PARD3B: variants seen among roughly 807,000 people sequenced by gnomAD.
The protein encoded by PARD3B is par-3 family cell polarity regulator beta, also known as partitioning defective 3 homolog B.
In PARD3B, 103 loss-of-function variants were observed where a neutral mutation model predicts 130.2. The observed-to-expected ratio is 0.79, with a 90% CI of 0.67 to 0.93. The LOEUF (loss-of-function observed/expected upper bound fraction) is 0.93. Among genes scored for constraint, PARD3B ranks in the 40% least tolerant of loss-of-function variants. The probability of loss-of-function intolerance (pLI) is 0.00; values close to 1 mark genes in which losing one functional copy is unlikely to be tolerated. For synonymous variants in PARD3B, 583 were observed against 553.2 expected (o/e 1.05, Z -0.76); for missense variants, 1,609 against 1,499.2 (o/e 1.07, Z -1.21).
chr2:205,005,302 G>A (rs958175158), intron 3 of PARD3B, among the ~76,000 whole-genome samples: 17 of 152,274 alleles, frequency 1.1e-4, no homozygotes, highest in South Asian at 4.1e-4. Context: ...GTTACACTGG[G>A]AAAGTGAGGA....
intron 10 of PARD3B, among the ~76,000 whole-genome samples, chr2:205,132,163 T>C (rs2032065014): frequency 1.3e-5 from 2 of 152,086 alleles, no homozygotes; most frequent in South Asian, 4.1e-4. Context: ...ATGAGAGATA[T>C]TAAGTGCACA....
intron 2 of PARD3B, among the ~76,000 whole-genome samples, chr2:204,817,113 G>C (rs1478202915): frequency 6.6e-6 from 1 of 151,936 alleles, no homozygotes; most frequent in African/African-American, 2.4e-5. Flanking sequence ...TTGAGTTTTT[G>C]AACTTACAGA....
chr2:204,989,894 TC>T, intron 3 of PARD3B, among the ~76,000 whole-genome samples: 5 of 152,086 alleles, frequency 3.3e-5, no homozygotes, highest in Non-Finnish European at 7.4e-5. Flanking sequence ...ACCACCTTCT[TC>T]ACATAGTCAA....
chr2:205,371,103 T>C (rs1289650769), intron 18 of PARD3B, among the ~76,000 whole-genome samples: 2 of 152,206 alleles, frequency 1.3e-5, no homozygotes, highest in East Asian at 3.9e-4. Flanking sequence ...GTTTGGGTGA[T>C]TTTTATTTTC....
chr2:205,073,499 A>G (rs1441721342), intron 4 of PARD3B, among the ~76,000 whole-genome samples: 1 of 152,250 alleles, frequency 6.6e-6, no homozygotes, highest in Non-Finnish European at 1.5e-5. Context: ...AAATGTATAT[A>G]GTAACCTTGA....
chr2:205,526,883 T>C lies in PARD3B; in HGVS notation c.3181-26441T>C, dbSNP rs568920620. 3.3e-5 allele frequency among the ~76,000 whole-genome samples: 5 copies of C among 152,246 alleles called. No homozygotes were observed. The South Asian group carries it at 1.0e-3, about 32-fold the overall frequency. ...AGTAGAGGAGACCAATCTTTATCAATAATGGGTAGTAATTTTAAAATCATT... is the reference window on the plus strand; with the variant it reads ...AGTAGAGGAGACCAATCTTTATCAACAATGGGTAGTAATTTTAAAATCATT... On this transcript the variant is annotated intron_variant, in intron 21 of 22. Transcript: ENST00000406610.
intron 16 of PARD3B, among the ~76,000 whole-genome samples, chr2:205,284,993 G>GT (rs5837964): frequency 0.84 from 120,386 of 143,832 alleles, 50,430 homozygotes; most frequent in South Asian, 0.86. Flanking sequence ...GCACAAAACA[G>GT]TTTTTTTTTT....
Position 205,276,276 on chromosome 2 carries a change from G to A in PARD3B, c.2186-24254G>A, listed in dbSNP as rs935246967. 6.6e-6 allele frequency among the ~76,000 whole-genome samples: 1 copy of A among 152,198 alleles called. No homozygotes were observed. Among genetic ancestry groups the A allele is most frequent in the Non-Finnish European group, 1.5e-5 (1 of 68,030 alleles). ...TCCTTTTGTAGTGAGCCAGCAGGGC[G>A]CCTGGTGCTGACAGCCTTGGCAAAC... is the stretch of plus-strand genomic sequence containing the variant. On this transcript the variant is annotated intron_variant, in intron 16 of 22. Transcript: ENST00000406610. This position sits in a 1 kb window ranked among gnomAD's most constrained non-coding sequence, Gnocchi z 5.0.
At chr2:204,762,116 A>ATTTTTTTTTTTTTTTTTTTTTTTTTT (rs968166780) in intron 2 of PARD3B, among the ~76,000 whole-genome samples, 1 of 95,378 alleles carries the variant, frequency 1.0e-5, no homozygotes, top group Non-Finnish European at 2.1e-5. Flanking sequence ...TTCTTTTTCT[A>ATTTTTTTTTTTTTTTTTTTTTTTTTT]TTTTTTTTTT....
chr2:205,413,814 CTGT>C (rs1453776657), intron 19 of PARD3B, among the ~76,000 whole-genome samples: 1 of 152,098 alleles, frequency 6.6e-6, no homozygotes, highest in Non-Finnish European at 1.5e-5. Context: ...GCCCAGAGAG[CTGT>C]TGTTTGTTGT....
chr2:205,414,071 G>A (rs2046692312), intron 19 of PARD3B, among the ~76,000 whole-genome samples: 1 of 151,990 alleles, frequency 6.6e-6, no homozygotes, highest in South Asian at 2.1e-4. Context: ...TTGTATTTTG[G>A]GGGCAGGCAT....
At chr2:204,686,364 C>T (rs934502177) in intron 2 of PARD3B, 82 bp downstream of exon 2, 1 of 1,009,892 alleles carries the variant, frequency 9.9e-7, no homozygotes, top group African/African-American at 1.6e-5. Flanking sequence ...TTAACAAACT[C>T]ATGTGTCAAT....
At chr2:205,227,574 T>C (rs1344326912) in intron 15 of PARD3B, among the ~76,000 whole-genome samples, 1 of 152,136 alleles carries the variant, frequency 6.6e-6, no homozygotes, top group East Asian at 1.9e-4. Context: ...GTCTGTCTTC[T>C]TAGGTGAAGT....
intron 2 of PARD3B, among the ~76,000 whole-genome samples, chr2:204,925,217 GTTAC>G (rs1687506585): frequency 1.3e-5 from 2 of 152,208 alleles, no homozygotes; most frequent in East Asian, 1.9e-4. Context: ...GAAAAGTGTA[GTTAC>G]TTACTGTGTC....
At chr2:204,672,441 G>A (rs2036350303) in intron 1 of PARD3B, among the ~76,000 whole-genome samples, 1 of 152,178 alleles carries the variant, frequency 6.6e-6, no homozygotes. Context: ...CAAACTGTTT[G>A]TGATAGAGGA....
Position 205,616,888 on chromosome 2 carries a change from TGA to T in PARD3B, c.*1095_*1096del, listed in dbSNP as rs10572381. ...CCAGCAGGTATTAGATGGAAGTGAA[TGA>T]GAGAGAGAGAGAGAGAGAGTATGTG... On this transcript the variant is annotated 3_prime_UTR_variant, in exon 23 of 23. Transcript: ENST00000406610. The T allele has an allele frequency of 0.73, 110,064 of 151,586 alleles. 40,199 individuals are homozygous for T. Among genetic ancestry groups the T allele is most frequent in the East Asian group, 0.99 (4,983 of 5,044 alleles). 9.4% of individuals were successfully genotyped at this position (151,586 alleles called of 1,614,324 possible).
intron 20 of PARD3B, among the ~76,000 whole-genome samples, chr2:205,486,021 G>A (rs1028719437): frequency 2.0e-5 from 3 of 152,134 alleles, no homozygotes; most frequent in African/African-American, 7.2e-5. Context: ...GGTCAAGTCG[G>A]GGTCTTAATC....
At chr2:204,996,922 C>A (rs577471978) in intron 3 of PARD3B, among the ~76,000 whole-genome samples, 1 of 151,834 alleles carries the variant, frequency 6.6e-6, no homozygotes, top group South Asian at 2.1e-4. Flanking sequence ...TGAGGCAATG[C>A]CTCGCCCTGC....
intron 15 of PARD3B, among the ~76,000 whole-genome samples, chr2:205,214,105 A>C (rs1042215274): frequency 2.6e-5 from 4 of 151,912 alleles, no homozygotes; most frequent in African/African-American, 7.2e-5. Flanking sequence ...TTTTAATCTC[A>C]AGAAGTATGT....
Sources: allele counts gnomAD v4.1 joint callset (sites outside exome capture counted in the v4.1 genomes callset), GRCh38; gene constraint gnomAD v4.1.1; non-coding constraint Gnocchi (gnomAD v3.1); transcripts MANE v1.5; gene names NCBI Gene and HGNC (gene_info 2026-07-23, HGNC 2026-07-21).